CFAP251: variants seen among roughly 807,000 people sequenced by gnomAD.
The protein encoded by CFAP251 is cilia and flagella associated protein 251, also known as cilia- and flagella-associated protein 251.
Under a neutral mutation model 126.7 loss-of-function variants are expected in CFAP251, and 93 were observed. That is an observed-to-expected ratio of 0.73 (90% CI 0.62 to 0.87). The LOEUF (loss-of-function observed/expected upper bound fraction) is 0.87. Among genes scored for constraint, CFAP251 ranks in the 40% least tolerant of loss-of-function variants. CFAP251 has a pLI of 0.00. For missense variants in CFAP251, 1,287 were observed against 1,389.2 expected, an observed-to-expected ratio of 0.93 and a Z score of 1.17; for synonymous variants, 503 against 506.9, an observed-to-expected ratio of 0.99 and a Z score of 0.10.
At chr12:121,945,327 G>GTTTTCTTTTCTTTTC (rs71917340) in intron 7 of CFAP251, among the ~76,000 whole-genome samples, 1 of 150,560 alleles carries the variant, frequency 6.6e-6, no homozygotes, top group Non-Finnish European at 1.5e-5. Flanking sequence ...TTGTTGTTTT[G>GTTTTCTTTTCTTTTC]TTTTCTTTTC....
chr12:121,954,376 A>C, intron 10 of CFAP251, 42 bp downstream of exon 10: 1 of 1,508,544 alleles, frequency 6.6e-7, no homozygotes, highest in Non-Finnish European at 9.0e-7. Context: ...GATAATTATA[A>C]AAATATTTTA....
chr12:121,938,978 A>G (rs1881000063), intron 5 of CFAP251, among the ~76,000 whole-genome samples: 1 of 142,914 alleles, frequency 7.0e-6, no homozygotes, highest in African/African-American at 2.4e-5. Flanking sequence ...CAGAGCGAGA[A>G]TTCATCTAAA....
intron 3 of CFAP251, among the ~76,000 whole-genome samples, chr12:121,928,672 A>ATATATATACG (rs1880541063): frequency 9.8e-4 from 19 of 19,310 alleles, no homozygotes; most frequent in African/African-American, 6.1e-3. Context: ...ATATATACGT[A>ATATATATACG]TATATATATA....
In CFAP251 at chr12:121,951,540, C is replaced by G; in HGVS notation, c.1320+10C>G. On this transcript the variant is annotated intron_variant, in intron 9 of 21. Transcript: ENST00000288912. Reference sequence around the variant, plus strand: ...ACTTTTAACTGAAAAAGTGAGTATGCCTATTGCATTTTTGTCCATCAGATT... The same window carrying G: ...ACTTTTAACTGAAAAAGTGAGTATGGCTATTGCATTTTTGTCCATCAGATT... 1.3e-6 allele frequency: 2 copies of G among 1,574,892 alleles called. No individual in the cohort carries two copies. The highest frequency in any genetic ancestry group is 1.7e-6 in the Non-Finnish European group (2 of 1,149,326).
At chr12:121,970,115 G>A (rs973308068) in intron 17 of CFAP251, 18 of 336,326 alleles carry the variant, frequency 5.4e-5, no homozygotes, top group Non-Finnish European at 6.7e-5. Flanking sequence ...CCTCACATTC[G>A]ATCATTTCAG....
Position 121,921,557 on chromosome 12 carries a change from C to T in CFAP251, c.252C>T (p.Val84=). The T allele has an allele frequency of 6.2e-7, 1 of 1,613,780 alleles. No individual in the cohort carries two copies. Among genetic ancestry groups the T allele is most frequent in the South Asian group, 1.1e-5 (1 of 91,068 alleles). The change falls in exon 2 of 22, where the codon GTC becomes GTT. Residue 84 remains valine, a synonymous_variant. Coordinates refer to ENST00000288912, the MANE Select transcript of CFAP251 (RefSeq NM_144668.6). ...AAACTGAGGAAAAGGCTGGAGAAGT[C>T]CAAGAGAAGGAGGCTTCAGGAATAC... The part of the protein sequence containing the change: ...MEETEEKAGE[V]QEKEASGIQE...
chr12:121,975,777 G>GCACAT, intron 19 of CFAP251, 92 bp downstream of exon 19: 1 of 1,398,768 alleles, frequency 7.1e-7, no homozygotes, highest in East Asian at 2.4e-5. Flanking sequence ...AGCAAAAATT[G>GCACAT]CACATTTTTC....
intron 19 of CFAP251, among the ~76,000 whole-genome samples, chr12:121,976,749 C>G (rs1218723685): frequency 6.6e-6 from 1 of 151,772 alleles, no homozygotes; most frequent in Non-Finnish European, 1.5e-5. Context: ...TATACCCATC[C>G]CCCCCAAAAA....
At position 121,979,236 on chromosome 12, in the gene CFAP251, C is replaced by A. The variant is rs1882554704; in HGVS notation, c.3006+3551C>A. Among the ~76,000 whole-genome samples the A allele has an allele frequency of 2.0e-5, 3 of 152,320 alleles. No individual in the cohort carries two copies. In the South Asian group the frequency reaches 6.2e-4, roughly 32 times the overall value. On this transcript the variant is annotated intron_variant, in intron 19 of 21. Transcript: ENST00000288912. The stretch of plus-strand genomic sequence containing the variant: ...TACTGTTGTAAGCTCCTCTAAAGGT[C>A]TTTGGCTGATGTGCATTTTGTCATA...
chr12:121,943,548 G>A (rs962260183), intron 7 of CFAP251, among the ~76,000 whole-genome samples: 4 of 151,912 alleles, frequency 2.6e-5, no homozygotes, highest in Admixed American at 6.6e-5. Flanking sequence ...TCAGCCTCCC[G>A]AGTAGCTGGG....
chr12:121,970,018 T>C (rs1192604354), intron 17 of CFAP251: 2 of 945,234 alleles, frequency 2.1e-6, no homozygotes, highest in Non-Finnish European at 2.5e-6. Flanking sequence ...TGGAGAGAAA[T>C]GTAAAAAACC....
At chr12:121,992,379 G>C (rs1882896461) in intron 19 of CFAP251, 12 of 985,262 alleles carry the variant, frequency 1.2e-5, no homozygotes, top group Non-Finnish European at 1.4e-5. Flanking sequence ...CAGTCATACG[G>C]GAAGAGAGAG....
At chr12:121,965,822 T>TC (rs1555218995) in intron 15 of CFAP251, among the ~76,000 whole-genome samples, 222 of 7,412 alleles carry the variant, frequency 0.03, no homozygotes, top group African/African-American at 0.074. Context: ...TTCTTCTTCT[T>TC]TTTTTTTTTT....
At chr12:121,982,292 G>A (rs769450139) in intron 19 of CFAP251, among the ~76,000 whole-genome samples, 1 of 150,672 alleles carries the variant, frequency 6.6e-6, no homozygotes, top group Admixed American at 6.6e-5. Context: ...CTGCAGCCTC[G>A]ACTTCCTGGG....
At chr12:121,959,278 A>G (rs1881842956) in intron 13 of CFAP251, 184 bp downstream of exon 13, 1 of 581,968 alleles carries the variant, frequency 1.7e-6, no homozygotes. Context: ...TGCTACAAAA[A>G]CACTTTTTAA....
intron 19 of CFAP251, among the ~76,000 whole-genome samples, chr12:121,984,614 C>T (rs751653206): frequency 1.3e-5 from 2 of 152,160 alleles, no homozygotes; most frequent in Non-Finnish European, 2.9e-5. Context: ...GCCTAGAAAT[C>T]ATTTTTAAAT....
chr12:122,002,839 G>A (rs1883179043), intron 21 of CFAP251, among the ~76,000 whole-genome samples: 1 of 152,122 alleles, frequency 6.6e-6, no homozygotes, highest in Non-Finnish European at 1.5e-5. Flanking sequence ...CACCAAGACT[G>A]AGGAGGGTGC....
intron 19 of CFAP251, among the ~76,000 whole-genome samples, chr12:121,988,718 G>A (rs1882806984): frequency 6.7e-6 from 1 of 148,684 alleles, no homozygotes; most frequent in Admixed American, 6.7e-5. Flanking sequence ...GTTTTTTGTT[G>A]TTGTTGGATT....
intron 19 of CFAP251, among the ~76,000 whole-genome samples, chr12:121,982,528 G>A (rs1882647130): frequency 6.6e-6 from 1 of 152,006 alleles, no homozygotes; most frequent in African/African-American, 2.4e-5. Flanking sequence ...ATAGGCATGC[G>A]CCATCTTGCC....
Sources: allele counts gnomAD v4.1 joint callset (sites outside exome capture counted in the v4.1 genomes callset), GRCh38; gene constraint gnomAD v4.1.1; transcripts MANE v1.5; gene names NCBI Gene and HGNC (gene_info 2026-07-23, HGNC 2026-07-21).